RIMS2: variants seen among roughly 807,000 people sequenced by gnomAD.
RIMS2 encodes regulating synaptic membrane exocytosis protein 2.
A neutral mutation model predicts 174.4 loss-of-function variants in RIMS2; 59 were observed. The ratio of observed to expected loss-of-function variants is 0.34; its 90% CI spans 0.27 to 0.42. RIMS2 has a LOEUF of 0.42. Ranked by LOEUF, RIMS2 falls within the 10% of genes least tolerant of loss-of-function variation. The probability of loss-of-function intolerance (pLI) is 1.00; values close to 1 mark genes in which losing one functional copy is unlikely to be tolerated. For missense variants in RIMS2, 1,620 were observed against 1,666.3 expected (o/e 0.97, Z 0.48); for synonymous variants, 606 against 572.5 (o/e 1.06, Z -0.84).
At chr8:103,885,111 A>G (rs903309011) in intron 3 of RIMS2, among the ~76,000 whole-genome samples, 187 bp from the exon 7 acceptor site, 1 of 151,960 alleles carries the variant, frequency 6.6e-6, no homozygotes, top group Non-Finnish European at 1.5e-5. Context: ...AATAACCACA[A>G]CAAAGTACTT....
chr8:103,910,327 G>A (rs2075420491), intron 5 of RIMS2: 1 of 1,589,592 alleles, frequency 6.3e-7, no homozygotes. Flanking sequence ...GTAGGGGACA[G>A]TCAAAAGGGA....
At chr8:103,578,039 C>T (rs1281941853) in intron 1 of RIMS2, among the ~76,000 whole-genome samples, 1 of 152,034 alleles carries the variant, frequency 6.6e-6, no homozygotes, top group African/African-American at 2.4e-5. Flanking sequence ...TGAGCAAGAA[C>T]AAGGAGTGGA....
intron 3 of RIMS2, among the ~76,000 whole-genome samples, chr8:103,787,411 G>A (rs1417374265): frequency 1.5e-4 from 22 of 145,902 alleles, no homozygotes; most frequent in African/African-American, 2.8e-4. Flanking sequence ...AGCTGGTACC[G>A]GTTGTTCCTT....
chr8:104,223,208 C>A (rs2138639600), intron 19 of RIMS2: 2 of 182,348 alleles, frequency 1.1e-5, no homozygotes, highest in South Asian at 1.7e-4. Flanking sequence ...TGCCCGGGAC[C>A]TGAGGCGCGC....
intron 3 of RIMS2, among the ~76,000 whole-genome samples, chr8:103,812,404 C>T (rs2098694454): frequency 7.1e-6 from 1 of 139,986 alleles, no homozygotes; most frequent in African/African-American, 2.6e-5. Context: ...GGCTTGAGTG[C>T]AATGGCACGA....
At chr8:103,560,495 G>A (rs1587765637) in intron 1 of RIMS2, among the ~76,000 whole-genome samples, 1 of 152,202 alleles carries the variant, frequency 6.6e-6, no homozygotes, top group East Asian at 1.9e-4. Context: ...TCAGAAGGGA[G>A]CGCACTCTGA....
intron 1 of RIMS2, among the ~76,000 whole-genome samples, chr8:103,511,234 C>T (rs1826289867): frequency 6.6e-6 from 1 of 152,090 alleles, no homozygotes; most frequent in South Asian, 2.1e-4. Context: ...AGTACTATTC[C>T]TAAGCAGTAG....
At chr8:103,740,632 C>G (rs1429984800) in intron 2 of RIMS2, among the ~76,000 whole-genome samples, 2 of 152,116 alleles carry the variant, frequency 1.3e-5, no homozygotes, top group Non-Finnish European at 2.9e-5. Context: ...TTCGAATAAC[C>G]TGTTACTTTC....
At chr8:104,061,941 T>G (rs2154560479) in intron 19 of RIMS2, among the ~76,000 whole-genome samples, 1 of 152,072 alleles carries the variant, frequency 6.6e-6, no homozygotes, top group South Asian at 2.1e-4. Flanking sequence ...GGAGGTGAAA[T>G]TTCAGGGTCA....
At chr8:103,697,981 A>G (rs2097126678) in intron 2 of RIMS2, among the ~76,000 whole-genome samples, 1 of 128,566 alleles carries the variant, frequency 7.8e-6, no homozygotes, top group South Asian at 2.3e-4. Context: ...TCAAAAGAAA[A>G]AAATTTGTGT....
intron 12 of RIMS2, among the ~76,000 whole-genome samples, chr8:103,935,131 T>C (rs1016238312): frequency 6.6e-6 from 1 of 152,194 alleles, no homozygotes; most frequent in Non-Finnish European, 1.5e-5. Context: ...AGATGTTAAA[T>C]AAATATTTGT....
intron 19 of RIMS2, among the ~76,000 whole-genome samples, chr8:104,031,397 T>A (rs902491781): frequency 3.3e-5 from 5 of 152,098 alleles, no homozygotes; most frequent in Non-Finnish European, 5.9e-5. Flanking sequence ...CCATTTTAAT[T>A]ATTAGTTTAT....
At chr8:103,603,154 C>A (rs1309226404) in intron 1 of RIMS2, among the ~76,000 whole-genome samples, 4 of 120,286 alleles carry the variant, frequency 3.3e-5, no homozygotes, top group Admixed American at 1.9e-4. Context: ...CCCCTCCCCC[C>A]ACCCCAACAC....
chr8:103,546,640 T>C (rs1328729587), intron 1 of RIMS2, among the ~76,000 whole-genome samples: 4 of 152,170 alleles, frequency 2.6e-5, no homozygotes, highest in Non-Finnish European at 5.9e-5. Context: ...TCATAAAAAA[T>C]TTCCTCAGCA....
rs578146019 is a variant in RIMS2 at position 103,554,835 on chromosome 8, C to T, written c.176+53773C>T. Among the ~76,000 whole-genome samples, 24 of 152,250 alleles carry T rather than the reference C, an allele frequency of 1.6e-4. 1 individual carries two copies. The South Asian group carries it at 4.6e-3, about 29-fold the overall frequency. ...TAAAGGAAATGTGATACAGACATAA[C>T]ATGAAATAGTATGCAGCCATAAAAA... On this transcript the variant is annotated intron_variant, in intron 1 of 23. Coordinates refer to ENST00000504942, the Ensembl canonical transcript of RIMS2.
At chr8:104,086,646 G>A (rs1014119365) in intron 19 of RIMS2, among the ~76,000 whole-genome samples, 1 of 152,032 alleles carries the variant, frequency 6.6e-6, no homozygotes, top group Admixed American at 6.6e-5. Flanking sequence ...TGGTTCATTA[G>A]TAAGTCTTGG....
intron 19 of RIMS2, among the ~76,000 whole-genome samples, chr8:104,113,783 G>C (rs2098235234): frequency 6.6e-6 from 1 of 151,462 alleles, no homozygotes; most frequent in Non-Finnish European, 1.5e-5. Context: ...GCCCTAGACT[G>C]CTGATCCCAA....
rs557119118 is a variant in RIMS2, at chr8:104,237,203, T to C, written c.3335-7713T>C. 3.3e-5 allele frequency among the ~76,000 whole-genome samples: 5 copies of C among 152,292 alleles called. No homozygotes were observed. In the South Asian group the frequency reaches 6.2e-4, roughly 19 times the overall value. On this transcript the variant is annotated intron_variant, in intron 19 of 23. Transcript: ENST00000504942. ...GAGCTGTATTCAAAATGGCCAATTT[T>C]TAAATGATGTTGAAAACAAAAAAAT...
At chr8:103,590,432 C>T (rs1271575286) in intron 1 of RIMS2, among the ~76,000 whole-genome samples, 2 of 151,256 alleles carry the variant, frequency 1.3e-5, no homozygotes, top group Non-Finnish European at 3.0e-5. Context: ...AATGCCTTAA[C>T]ATTGTTCTTT....
Sources: allele counts gnomAD v4.1 joint callset (sites outside exome capture counted in the v4.1 genomes callset), GRCh38; gene constraint gnomAD v4.1.1; transcripts MANE v1.5; gene names NCBI Gene and HGNC (gene_info 2026-07-23, HGNC 2026-07-21).